SMAP1: variants seen among roughly 807,000 people sequenced by gnomAD.
SMAP1 encodes the protein stromal membrane-associated protein 1.
SMAP1 carries 24 observed loss-of-function variants against 58.5 expected under a neutral mutation model. The ratio of observed to expected loss-of-function variants is 0.41; its 90% CI spans 0.30 to 0.58. The LOEUF (loss-of-function observed/expected upper bound fraction) is 0.58, where lower values mean the gene tolerates loss of function less well. Ranked by LOEUF, SMAP1 falls within the 20% of genes least tolerant of loss-of-function variation. SMAP1 has a pLI of 0.29. For synonymous variants in SMAP1, 216 were observed against 196.6 expected, an observed-to-expected ratio of 1.10 and a Z score of -0.82; for missense variants, 563 against 566.3, an observed-to-expected ratio of 0.99 and a Z score of 0.06.
chr6:70,743,645 G>T (rs1472814212), intron 2 of SMAP1, among the ~76,000 whole-genome samples: 7 of 152,120 alleles, frequency 4.6e-5, no homozygotes, highest in Non-Finnish European at 1.0e-4. Flanking sequence ...TTTGTGGAAG[G>T]ATTTCTCATT....
intron 5 of SMAP1, among the ~76,000 whole-genome samples, chr6:70,795,212 C>G (rs1018722358): frequency 6.6e-6 from 1 of 152,098 alleles, no homozygotes; most frequent in Non-Finnish European, 1.5e-5. Context: ...ATGTAGCAAG[C>G]GAATTTGATT....
intron 7 of SMAP1, among the ~76,000 whole-genome samples, chr6:70,848,234 G>A (rs370185542): frequency 5.9e-4 from 90 of 152,162 alleles, no homozygotes; most frequent in African/African-American, 2.0e-3. Flanking sequence ...AGCCCAGTTT[G>A]CTCACTGATG....
intron 1 of SMAP1, among the ~76,000 whole-genome samples, chr6:70,711,588 C>T (rs1405729136): frequency 2.7e-5 from 4 of 150,346 alleles, no homozygotes; most frequent in Admixed American, 6.7e-5. Flanking sequence ...AGTGCATTGG[C>T]GCGATCTCTG....
At chr6:70,690,957 G>A (rs1313435462) in intron 1 of SMAP1, among the ~76,000 whole-genome samples, 1 of 151,486 alleles carries the variant, frequency 6.6e-6, no homozygotes, top group Non-Finnish European at 1.5e-5. Flanking sequence ...CCCCAGTAAA[G>A]CTATCTGGGC....
chr6:70,763,106 CTTTTT>C (rs35936929), intron 3 of SMAP1, among the ~76,000 whole-genome samples: 36 of 84,462 alleles, frequency 4.3e-4, no homozygotes, highest in Non-Finnish European at 7.1e-4. Flanking sequence ...ACAGATATTA[CTTTTT>C]TTTTTTTTTT....
intron 1 of SMAP1, among the ~76,000 whole-genome samples, chr6:70,681,420 C>T (rs1322380166): frequency 6.6e-6 from 1 of 152,148 alleles, no homozygotes; most frequent in Non-Finnish European, 1.5e-5. Flanking sequence ...GAGTAAGACC[C>T]TGTCTCAAAA....
intron 6 of SMAP1, among the ~76,000 whole-genome samples, chr6:70,820,779 G>A (rs1253754629): frequency 6.6e-6 from 1 of 151,900 alleles, no homozygotes; most frequent in African/African-American, 2.4e-5. Flanking sequence ...ATCTAAGACA[G>A]TCTAGCAGAT....
rs1765463896 is a variant in SMAP1, at chr6:70,732,332, T to C, written c.119-46T>C. 4.5e-6 allele frequency: 7 copies of C among 1,570,546 alleles called. No individual in the cohort carries two copies. In the East Asian group the frequency reaches 6.8e-5, roughly 15 times the overall value. On this transcript the variant is annotated intron_variant, in intron 1 of 10. Transcript: ENST00000370455. ...TCTAATATGCTGTTATGTTTATTTT[T>C]GTTTTTAACATTTGCTTTTTTTTGT...
At chr6:70,839,857 G>A (rs998004256) in intron 7 of SMAP1, among the ~76,000 whole-genome samples, 1 of 151,914 alleles carries the variant, frequency 6.6e-6, no homozygotes, top group Non-Finnish European at 1.5e-5. Context: ...GCATAAAATC[G>A]ATGAATTCAT....
Position 70,759,929 on chromosome 6 carries a change from TTTTTATTTCTCAAAATA to T in SMAP1, c.338+4865_338+4881del, listed in dbSNP as rs754900514. 1.9e-5 allele frequency: 8 copies of T among 422,588 alleles called. No homozygotes were observed. The Admixed American group carries it at 2.2e-4, about 12-fold the overall frequency. The allele number at this position is 422,588 out of a possible 1,614,324, so 26.2% of individuals were successfully genotyped here. A position where few individuals can be genotyped will look rare whatever the true frequency, so the allele number is the denominator to read the frequency against. On this transcript the variant is annotated intron_variant, in intron 3 of 10. Transcript: ENST00000370455. ...CCATGGCATTTTATGTACATTATCT[TTTTTATTTCTCAAAATA>T]ACTCGGTGACATAGAGCATAATATT...
chr6:70,854,773 T>G (rs1008185059), intron 8 of SMAP1, among the ~76,000 whole-genome samples: 4 of 152,160 alleles, frequency 2.6e-5, no homozygotes, highest in African/African-American at 9.7e-5. Context: ...TCAAACTAGT[T>G]GTGGACACCA....
chr6:70,814,465 C>T (rs1335476178), intron 6 of SMAP1, among the ~76,000 whole-genome samples: 2 of 152,058 alleles, frequency 1.3e-5, no homozygotes, highest in Non-Finnish European at 2.9e-5. Flanking sequence ...TTCCCTGTGC[C>T]AATGCTCTCA....
chr6:70,758,493 A>G (rs1398601315), intron 3 of SMAP1, among the ~76,000 whole-genome samples: 1 of 151,974 alleles, frequency 6.6e-6, no homozygotes, highest in Non-Finnish European at 1.5e-5. Context: ...CACATTGTGC[A>G]CATGTACCCT....
At chr6:70,729,824 T>C (rs1243230489) in intron 1 of SMAP1, among the ~76,000 whole-genome samples, 1 of 152,170 alleles carries the variant, frequency 6.6e-6, no homozygotes, top group African/African-American at 2.4e-5. Context: ...GTGTGTTGAA[T>C]GCTTGAGTTA....
intron 1 of SMAP1, among the ~76,000 whole-genome samples, chr6:70,722,557 A>C (rs1768575749): frequency 6.6e-6 from 1 of 152,254 alleles, no homozygotes; most frequent in East Asian, 1.9e-4. Context: ...ACACACAGAC[A>C]GAAATATAGC....
intron 4 of SMAP1, among the ~76,000 whole-genome samples, chr6:70,788,185 C>T (rs1768156118): frequency 6.6e-6 from 1 of 150,960 alleles, no homozygotes; most frequent in African/African-American, 2.4e-5. Flanking sequence ...TCATTCTCAG[C>T]AAACTATCGC....
At chr6:70,757,494 G>T (rs1202720295) in intron 3 of SMAP1, among the ~76,000 whole-genome samples, 2 of 151,956 alleles carry the variant, frequency 1.3e-5, no homozygotes, top group Non-Finnish European at 2.9e-5. Flanking sequence ...AACAGCAATG[G>T]CAACAAAAGC....
chr6:70,842,641 T>C (rs1181264422), intron 7 of SMAP1, among the ~76,000 whole-genome samples: 1 of 152,174 alleles, frequency 6.6e-6, no homozygotes, highest in Non-Finnish European at 1.5e-5. Context: ...ACAGGAAGCC[T>C]GAAAATGGCT....
chr6:70,719,709 C>CT (rs1768433986), intron 1 of SMAP1, among the ~76,000 whole-genome samples: 2 of 152,138 alleles, frequency 1.3e-5, no homozygotes, highest in African/African-American at 2.4e-5. Context: ...AAAGGCACTT[C>CT]TTACATGGTG....
Sources: gnomAD v4.1 joint callset for allele counts (sites outside exome capture counted in the v4.1 genomes callset) on GRCh38, gnomAD v4.1.1 for gene constraint, MANE v1.5 for transcripts, NCBI Gene and HGNC (gene_info 2026-07-23, HGNC 2026-07-21) for gene names.